The following HLCS variants were observed in gnomAD, a reference collection of about 807,000 sequenced individuals.
HLCS encodes the protein holocarboxylase synthetase.
A neutral mutation model predicts 75.0 loss-of-function variants in HLCS; 53 were observed. The observed-to-expected ratio is 0.71, with a 90% CI of 0.57 to 0.89. The LOEUF is 0.89. Ranked by LOEUF, HLCS falls within the 40% of genes least tolerant of loss-of-function variation. HLCS has a pLI of 0.00. For synonymous variants in HLCS, 431 were observed against 428.6 expected (o/e 1.01, Z -0.07); for missense variants, 966 against 1,074.0 (o/e 0.90, Z 1.41).
intron 10 of HLCS, 81 bp from the exon 11 acceptor site, chr21:36,754,498 T>G: frequency 2.1e-6 from 3 of 1,449,088 alleles, no homozygotes; most frequent in Non-Finnish European, 2.8e-6. Context: ...TAATCCATGA[T>G]GAGAGAGCTG....
chr21:36,969,299 T>C (rs899138826), upstream of HLCS, among the ~76,000 whole-genome samples: 4 of 152,188 alleles, frequency 2.6e-5, no homozygotes, highest in Non-Finnish European at 4.4e-5. Context: ...TTAATGTGTA[T>C]GCACCTGATC....
At chr21:36,785,049 C>T (rs2060645277) in intron 6 of HLCS, among the ~76,000 whole-genome samples, 1 of 152,158 alleles carries the variant, frequency 6.6e-6, no homozygotes, top group South Asian at 2.1e-4. Flanking sequence ...GATTTTACCC[C>T]AGGTACCGTC....
At chr21:36,952,429 GA>G (rs2067709306) in intron 2 of HLCS, among the ~76,000 whole-genome samples, 12 of 152,180 alleles carry the variant, frequency 7.9e-5, no homozygotes, top group African/African-American at 2.9e-4. Context: ...GATCATAAGT[GA>G]AATTAGTTAA....
chr21:36,962,757 C>T (rs2068369469), intron 1 of HLCS, among the ~76,000 whole-genome samples: 1 of 146,292 alleles, frequency 6.8e-6, no homozygotes, highest in Non-Finnish European at 1.5e-5. Context: ...CATGCCACTG[C>T]ACTCCAGCCT....
chr21:36,843,347 G>T (rs2062681058), intron 6 of HLCS, among the ~76,000 whole-genome samples: 1 of 152,062 alleles, frequency 6.6e-6, no homozygotes. Context: ...CTGAGGTAGG[G>T]CGATCACATG....
chr21:36,756,110 A>G (rs993483180), intron 10 of HLCS, among the ~76,000 whole-genome samples: 1 of 152,110 alleles, frequency 6.6e-6, no homozygotes, highest in Non-Finnish European at 1.5e-5. Context: ...ACAGAAAATA[A>G]TCATTCAGAC....
chr21:36,929,343 T>C (rs76858148), intron 5 of HLCS, among the ~76,000 whole-genome samples: 11,053 of 152,220 alleles, frequency 0.073, 532 homozygotes, highest in Non-Finnish European at 0.11. Flanking sequence ...ACAGAGAAGG[T>C]CTAGGGGACT....
intron 6 of HLCS, among the ~76,000 whole-genome samples, chr21:36,781,768 G>C: frequency 6.6e-6 from 1 of 152,068 alleles, no homozygotes; most frequent in East Asian, 1.9e-4. Context: ...GAGACAGTGG[G>C]CCTCCTTGCC....
chr21:36,947,164 G>T (rs1031605097), intron 2 of HLCS, among the ~76,000 whole-genome samples: 13 of 152,276 alleles, frequency 8.5e-5, no homozygotes, highest in African/African-American at 3.1e-4. Flanking sequence ...AGCCCCCTGC[G>T]GTAGCAGGCA....
In HLCS at chr21:36,844,362, G is replaced by A. The variant is rs570009664; in HGVS notation, c.1892+52498C>T. Among the ~76,000 whole-genome samples the A allele has an allele frequency of 1.7e-3, 256 of 152,212 alleles. 1 individual carries two copies. Among genetic ancestry groups the A allele is most frequent in the African/African-American group, 5.9e-3 (244 of 41,526 alleles). On this transcript the variant is annotated intron_variant, in intron 6 of 10. Coordinates refer to ENST00000674895, the MANE Select transcript of HLCS (RefSeq NM_001352514.2). ...GGAAACGGAGGGGGATTCGGCGGGC[G>A]AGACAGAAGGACAGGGAGGGAGTAT...
At chr21:36,820,236 C>T (rs1416594099) in intron 6 of HLCS, among the ~76,000 whole-genome samples, 1 of 152,142 alleles carries the variant, frequency 6.6e-6, no homozygotes, top group Admixed American at 6.5e-5. Context: ...CCAGCTGCAG[C>T]GGAGGAGGCA....
intron 2 of HLCS, chr21:36,947,809 C>T: frequency 6.1e-6 from 6 of 985,456 alleles, no homozygotes; most frequent in Non-Finnish European, 7.2e-6. Flanking sequence ...TGGCAGGCAG[C>T]AGCTCTGCAG....
At chr21:36,830,482 G>T (rs143207189) in intron 6 of HLCS, among the ~76,000 whole-genome samples, 32 of 152,270 alleles carry the variant, frequency 2.1e-4, no homozygotes, top group African/African-American at 7.5e-4. Context: ...AGACTTAGCA[G>T]CAGGGAGCTC....
At chr21:36,913,613 T>G (rs1461601749) in intron 5 of HLCS, among the ~76,000 whole-genome samples, 2 of 151,872 alleles carry the variant, frequency 1.3e-5, no homozygotes, top group East Asian at 3.9e-4. Context: ...ATACAAAAAT[T>G]AGCAGGGCAT....
At chr21:36,876,623 G>C (rs2063990213) in intron 6 of HLCS, among the ~76,000 whole-genome samples, 1 of 152,114 alleles carries the variant, frequency 6.6e-6, no homozygotes, top group South Asian at 2.1e-4. Flanking sequence ...AATATACTCT[G>C]TGATTTCAAT....
intron 6 of HLCS, among the ~76,000 whole-genome samples, chr21:36,844,458 T>A (rs1369953543): frequency 3.3e-5 from 5 of 152,118 alleles, no homozygotes; most frequent in Non-Finnish European, 7.4e-5. Flanking sequence ...GTCTATTGAT[T>A]AAAATATAAA....
At chr21:36,978,591 G>A (rs2835553) in intron 1 of HLCS, among the ~76,000 whole-genome samples, 56,558 of 152,102 alleles carry the variant, frequency 0.37, 10,633 homozygotes, top group East Asian at 0.5. Context: ...GGACTGCTGG[G>A]TGGGATCCTG....
chr21:36,762,446 G>A (rs1003858682), intron 8 of HLCS, among the ~76,000 whole-genome samples: 2 of 152,194 alleles, frequency 1.3e-5, no homozygotes, highest in African/African-American at 4.8e-5. Context: ...GGCCCAAGGC[G>A]AGTTCCGGAA....
intron 6 of HLCS, among the ~76,000 whole-genome samples, chr21:36,892,446 T>G (rs1407067731): frequency 6.6e-6 from 1 of 152,186 alleles, no homozygotes; most frequent in East Asian, 1.9e-4. Context: ...CATGGTGTGC[T>G]GGGGGCAGAG....
Sources: gnomAD v4.1 joint callset for allele counts (sites outside exome capture counted in the v4.1 genomes callset) on GRCh38, gnomAD v4.1.1 for gene constraint, MANE v1.5 for transcripts, NCBI Gene and HGNC (gene_info 2026-07-23, HGNC 2026-07-21) for gene names.